Variants in LARP4B observed in about 807,000 individuals in gnomAD.
LARP4B encodes La ribonucleoprotein 4B, also known as la-related protein 4B.
In LARP4B, 12 loss-of-function variants were observed where a neutral mutation model predicts 89.8. The ratio of observed to expected loss-of-function variants is 0.13; its 90% CI spans 0.09 to 0.22. LARP4B has a LOEUF of 0.22. Among genes scored for constraint, LARP4B ranks in the 10% least tolerant of loss-of-function variants. The pLI is 1.00. For missense variants in LARP4B, 757 were observed against 947.7 expected, an observed-to-expected ratio of 0.80 and a Z score of 2.64; for synonymous variants, 367 against 363.3, an observed-to-expected ratio of 1.01 and a Z score of -0.12.
the LARP4B span, among the ~76,000 whole-genome samples, chr10:964,289 A>T: frequency 6.6e-6 from 1 of 151,964 alleles, no homozygotes; most frequent in African/African-American, 2.4e-5. Context: ...CTGGTCTCGA[A>T]CTCCCGACCT....
chr10:820,649 G>T lies in LARP4B; in HGVS notation c.1530+151C>A, dbSNP rs1832304989. On this transcript the variant is annotated intron_variant, in intron 14 of 17. Transcript: ENST00000316157. ...AGTTGCTTCCTCCTAGGCCAGCCAGGGTGTCAGTTATTACTTAGTGGATTT... is the reference window on the plus strand; with the variant it reads ...AGTTGCTTCCTCCTAGGCCAGCCAGTGTGTCAGTTATTACTTAGTGGATTT... 7.2e-6 allele frequency: 5 copies of T among 692,370 alleles called. No individual in the cohort carries two copies. In the South Asian group the frequency reaches 9.7e-5, roughly 13 times the overall value. 42.9% of individuals were successfully genotyped at this position (692,370 alleles called of 1,614,324 possible).
At chr10:956,007 C>G in the LARP4B span, among the ~76,000 whole-genome samples, 2 of 152,216 alleles carry the variant, frequency 1.3e-5, no homozygotes, top group Admixed American at 1.3e-4. This position sits in a 1 kb window ranked among gnomAD's most constrained non-coding sequence, Gnocchi z 4.3. Context: ...CACTTCCTGC[C>G]CCAGTGCCTG....
the LARP4B span, among the ~76,000 whole-genome samples, chr10:940,067 G>T: frequency 7.0e-6 from 1 of 143,696 alleles, no homozygotes. Flanking sequence ...GCCCAGGCTG[G>T]AGTGCAATGG....
chr10:841,283 A>G (rs1292389181), intron 7 of LARP4B, among the ~76,000 whole-genome samples: 1 of 152,246 alleles, frequency 6.6e-6, no homozygotes, highest in Non-Finnish European at 1.5e-5. Context: ...TAACTTGCTA[A>G]CTATATTCTT....
intron 3 of LARP4B, among the ~76,000 whole-genome samples, chr10:879,129 C>A (rs1238829608): frequency 4.6e-5 from 7 of 152,274 alleles, no homozygotes; most frequent in Admixed American, 3.9e-4. Flanking sequence ...TGCCTTGGAG[C>A]TGAAAAGATC....
At chr10:916,283 C>T (rs1302781066) in intron 1 of LARP4B, among the ~76,000 whole-genome samples, 3 of 152,184 alleles carry the variant, frequency 2.0e-5, no homozygotes, top group African/African-American at 4.8e-5. Flanking sequence ...AGTCTTTTGG[C>T]ATCCACAGAC....
intron 1 of LARP4B, among the ~76,000 whole-genome samples, chr10:897,625 G>A (rs900343492): frequency 6.6e-6 from 1 of 151,988 alleles, no homozygotes. Flanking sequence ...TATCCAATAC[G>A]GAACATATAT....
chr10:860,588 TG>T (rs1185676580), intron 5 of LARP4B, among the ~76,000 whole-genome samples: 1 of 152,178 alleles, frequency 6.6e-6, no homozygotes, highest in Non-Finnish European at 1.5e-5. Flanking sequence ...CCAAAATCCA[TG>T]AATAGGGGAA....
At position 863,783 on chromosome 10, in the gene LARP4B, A is replaced by G; in HGVS notation, c.390T>C (p.Gly130=). The change falls in exon 5 of 18, where the codon GGT becomes GGC. Residue 130 remains glycine (G), a synonymous_variant. Transcript: ENST00000316157. ...DPADMNALAL[G]PSEYDSLPEN... is the part of the protein sequence containing the mutation. The stretch of plus-strand genomic sequence containing the variant: ...CAGGCAGAGAGTCATATTCTGAGGG[A>G]CCCAGAGCGAGAGCGTTCATGTCTG... 1 of 1,613,750 alleles carries G rather than the reference A, an allele frequency of 6.2e-7. No individual in the cohort carries two copies. Among genetic ancestry groups the G allele is most frequent in the East Asian group, 2.2e-5 (1 of 44,878 alleles).
chr10:868,365 A>G (rs904049014), intron 3 of LARP4B, among the ~76,000 whole-genome samples: 2 of 148,020 alleles, frequency 1.4e-5, no homozygotes, highest in South Asian at 2.2e-4. Flanking sequence ...TAGCTGCTAT[A>G]TTAAGATTTG....
upstream of LARP4B, among the ~76,000 whole-genome samples, chr10:935,582 A>T (rs1830737928): frequency 6.6e-6 from 1 of 152,222 alleles, no homozygotes; most frequent in African/African-American, 2.4e-5. Flanking sequence ...GTCAGGCCTC[A>T]AGGGCAGAGG....
rs916951805 is a variant in LARP4B, at chr10:931,451, G to C, written c.-63C>G. On this transcript the variant is annotated 5_prime_UTR_variant, in exon 1 of 18. Coordinates refer to ENST00000316157, the MANE Select transcript of LARP4B (RefSeq NM_015155.3). ...ACCTGTCAGCGCCGCCGCCCCGCCC[G>C]ACCGGCCGCCCGCGGGCTCCTCGCC... 1 of 146,278 alleles carries C rather than the reference G, an allele frequency of 6.8e-6. No individual in the cohort carries two copies. The highest frequency in any genetic ancestry group is 2.5e-5 in the African/African-American group (1 of 40,490). 9.1% of individuals were successfully genotyped at this position (146,278 alleles called of 1,614,324 possible). A position where few individuals can be genotyped will look rare whatever the true frequency, so the allele number is the denominator to read the frequency against.
At chr10:973,238 G>A in the LARP4B span, among the ~76,000 whole-genome samples, 5 of 152,274 alleles carry the variant, frequency 3.3e-5, no homozygotes, top group East Asian at 1.9e-4. Flanking sequence ...GGGGGAGCTC[G>A]CAGGGTGGCT....
chr10:825,647 G>A, intron 12 of LARP4B, 117 bp downstream of exon 12: 2 of 685,208 alleles, frequency 2.9e-6, no homozygotes, highest in Non-Finnish European at 5.0e-6. Context: ...ATGCAGCTGT[G>A]TGCTTCAGGT....
chr10:916,348 C>A (rs1836822501), intron 1 of LARP4B, among the ~76,000 whole-genome samples: 1 of 152,112 alleles, frequency 6.6e-6, no homozygotes, highest in South Asian at 2.1e-4. Flanking sequence ...TGGCTACAGT[C>A]AAAAATTTGC....
At chr10:948,014 C>T in the LARP4B span, among the ~76,000 whole-genome samples, 1 of 152,048 alleles carries the variant, frequency 6.6e-6, no homozygotes, top group African/African-American at 2.4e-5. Flanking sequence ...GGACCTGAGA[C>T]CTGAGGAGGG....
chr10:893,743 T>A (rs531918086), intron 1 of LARP4B, among the ~76,000 whole-genome samples: 40 of 152,204 alleles, frequency 2.6e-4, no homozygotes, highest in African/African-American at 9.6e-4. Context: ...ACTGGTCCCA[T>A]CAGGAAGACA....
At chr10:910,081 C>T (rs1471858898) in intron 1 of LARP4B, among the ~76,000 whole-genome samples, 2 of 152,194 alleles carry the variant, frequency 1.3e-5, no homozygotes, top group African/African-American at 4.8e-5. Context: ...ATTGTTTAGT[C>T]ATTTTGTTCC....
At chr10:929,320 C>T (rs762130020) in intron 1 of LARP4B, among the ~76,000 whole-genome samples, 5 of 152,146 alleles carry the variant, frequency 3.3e-5, no homozygotes, top group Admixed American at 6.5e-5. Context: ...GTAAGCTGGG[C>T]GCAGTGGCTC....
Sources: allele counts gnomAD v4.1 joint callset (sites outside exome capture counted in the v4.1 genomes callset), GRCh38; gene constraint gnomAD v4.1.1; non-coding constraint Gnocchi (gnomAD v3.1); transcripts MANE v1.5; gene names NCBI Gene and HGNC (gene_info 2026-07-23, HGNC 2026-07-21).